Variants in ASB17 observed in about 807,000 individuals in gnomAD.
ASB17 encodes the protein ankyrin repeat and SOCS box protein 17.
In ASB17, 26 loss-of-function variants were observed where a neutral mutation model predicts 25.7. The ratio of observed to expected loss-of-function variants is 1.01; its 90% CI spans 0.74 to 1.40. The LOEUF (loss-of-function observed/expected upper bound fraction) is 1.40, where lower values mean the gene tolerates loss of function less well. ASB17 is among the 40% of genes most tolerant of loss of function. The pLI, the probability that ASB17 is intolerant of heterozygous loss-of-function variation, is 0.00. For synonymous variants in ASB17, 128 were observed against 121.4 expected, an observed-to-expected ratio of 1.05 and a Z score of -0.36; for missense variants, 326 against 338.5, an observed-to-expected ratio of 0.96 and a Z score of 0.29.
chr1:75,921,872 A>T (rs1321092422), intron 2 of ASB17, among the ~76,000 whole-genome samples: 1 of 152,060 alleles, frequency 6.6e-6, no homozygotes, highest in East Asian at 1.9e-4. Flanking sequence ...CTATACATAT[A>T]ACTTAAAATT....
intron 1 of ASB17, among the ~76,000 whole-genome samples, chr1:75,929,345 C>G (rs1653261738): frequency 4.0e-5 from 6 of 151,698 alleles, no homozygotes; most frequent in Admixed American, 3.9e-4. Flanking sequence ...CTGCCTCAGC[C>G]TCCCGAGTAG....
At position 75,932,397 on chromosome 1, in the gene ASB17, T is replaced by C. The variant is rs1653348049; in HGVS notation, c.-106A>G. The C allele has an allele frequency of 9.5e-7, 1 of 1,054,552 alleles. No individual in the cohort carries two copies. The highest frequency in any genetic ancestry group is 1.4e-6 in the Non-Finnish European group (1 of 734,706). 65.3% of individuals were successfully genotyped at this position (1,054,552 alleles called of 1,614,324 possible). On this transcript the variant is annotated 5_prime_UTR_variant, in exon 1 of 3. Coordinates refer to ENST00000284142, the MANE Select transcript of ASB17 (RefSeq NM_080868.3). The stretch of plus-strand genomic sequence containing the variant: ...GCAGGCTTTACTCCACAAACAGAAG[T>C]GCCCTTTAAACTGTAACCAGAAAAA...
intron 1 of ASB17, among the ~76,000 whole-genome samples, chr1:75,929,652 G>C (rs983652129): frequency 2.0e-5 from 3 of 152,148 alleles, no homozygotes; most frequent in Non-Finnish European, 4.4e-5. Flanking sequence ...GGTCACTCAG[G>C]CTTCTGAGTC....
intron 1 of ASB17, among the ~76,000 whole-genome samples, chr1:75,927,718 C>G (rs1359203959): frequency 6.6e-6 from 1 of 151,918 alleles, no homozygotes; most frequent in Non-Finnish European, 1.5e-5. Context: ...ACTTGGAGTG[C>G]TTGAGTAGTC....
At chr1:75,922,488 C>CT (rs3037164) in intron 1 of ASB17, 129 bp from the exon 2 acceptor site, 38,086 of 120,090 alleles carry the variant, frequency 0.32, 8,666 homozygotes, top group East Asian at 0.47. Context: ...TTATATGTTT[C>CT]TTTTTTTTTT....
chr1:75,920,382 A>G (rs1398178028), intron 2 of ASB17, among the ~76,000 whole-genome samples: 1 of 152,252 alleles, frequency 6.6e-6, no homozygotes. Context: ...TATTACTTGT[A>G]TAATGCATTC....
At chr1:75,921,970 G>T in intron 2 of ASB17, 110 bp downstream of exon 2, 3 of 942,068 alleles carry the variant, frequency 3.2e-6, no homozygotes, top group Non-Finnish European at 4.6e-6. Context: ...TCAATGATCT[G>T]TCACTGGACA....
rs748346833 is a variant in ASB17 at position 75,918,990 on chromosome 1, G to T, written c.850C>A (p.Pro284Thr). The T allele has an allele frequency of 6.2e-7, 1 of 1,612,792 alleles. No homozygotes were observed. Among genetic ancestry groups the T allele is most frequent in the African/African-American group, 1.3e-5 (1 of 74,892 alleles). ...LPDGIFSLLI[P>T]ARLQNYLNLE... ...TTCAGATAGTTTTGTAGACGAGCAGGAATTAGAAGTGAAAATATTCCATCT... is the reference window on the plus strand; with the variant it reads ...TTCAGATAGTTTTGTAGACGAGCAGTAATTAGAAGTGAAAATATTCCATCT... The change falls in exon 3 of 3, where the codon CCT becomes ACT. Residue 284 changes from proline (P) to threonine (T), a missense_variant. By Grantham distance (38) the Pro-to-Thr change is conservative (BLOSUM62 -1). Transcript: ENST00000284142.
chr1:75,931,938 T>C lies in ASB17; in HGVS notation c.354A>G (p.Thr118=). 1 of 1,613,278 alleles carries C rather than the reference T, an allele frequency of 6.2e-7. No individual in the cohort carries two copies. Among genetic ancestry groups the C allele is most frequent in the Non-Finnish European group, 8.5e-7 (1 of 1,179,638 alleles). The change falls in exon 1 of 3, where the codon ACA becomes ACG. Residue 118 remains threonine (T), a synonymous_variant. Coordinates refer to ENST00000284142, the MANE Select transcript of ASB17 (RefSeq NM_080868.3). ...AACTTCTGTCTTGAACATAGTCTTT[T>C]GTCTTCTTGAGAAGCAATTCCACAA... ...PDFVELLLKK[T]KDYVQDRSCN...
Position 75,932,329 on chromosome 1 carries a change from G to C in ASB17, c.-38C>G. 1.3e-6 allele frequency: 2 copies of C among 1,525,638 alleles called. No individual in the cohort carries two copies. The highest frequency in any genetic ancestry group is 1.3e-5 in the South Asian group (1 of 78,020). 94.5% of individuals were successfully genotyped at this position (1,525,638 alleles called of 1,614,324 possible). Reference sequence around the variant, plus strand: ...CAGCACTGTAGAAATAAAATCAGAGGTAAGCATACTGTAATCCTCCAGTTA... The same window carrying C: ...CAGCACTGTAGAAATAAAATCAGAGCTAAGCATACTGTAATCCTCCAGTTA... On this transcript the variant is annotated 5_prime_UTR_variant, in exon 1 of 3. Coordinates refer to ENST00000284142, the MANE Select transcript of ASB17 (RefSeq NM_080868.3).
At chr1:75,925,640 G>A (rs924624882) in intron 1 of ASB17, among the ~76,000 whole-genome samples, 3 of 152,118 alleles carry the variant, frequency 2.0e-5, no homozygotes, top group Non-Finnish European at 2.9e-5. Context: ...AGCAAAGCAA[G>A]AATTAGTTTT....
Position 75,931,956 on chromosome 1 carries a change from T to C in ASB17, c.336A>G (p.Glu112=), listed in dbSNP as rs773571008. The C allele has an allele frequency of 1.2e-6, 2 of 1,613,878 alleles. No individual in the cohort carries two copies. Among genetic ancestry groups the C allele is most frequent in the Admixed American group, 1.7e-5 (1 of 59,992 alleles). Residue 112 remains glutamate (E), a synonymous_variant, in exon 1 of 3, where the codon GAA becomes GAG. Transcript: ENST00000284142. ...FARKGNPDFV[E]LLLKKTKDYV... The stretch of plus-strand genomic sequence containing the variant: ...AGTCTTTTGTCTTCTTGAGAAGCAA[T>C]TCCACAAAGTCAGGATTACCTTTTC...
Position 75,932,313 on chromosome 1 carries a change from A to T in ASB17, c.-22T>A, listed in dbSNP as rs1032910195. 1 of 1,563,858 alleles carries T rather than the reference A, an allele frequency of 6.4e-7. No homozygotes were observed. The highest frequency in any genetic ancestry group is 8.7e-7 in the Non-Finnish European group (1 of 1,155,008). Reference sequence around the variant, plus strand: ...TCATTGTTACTTATAGCAGCACTGTAGAAATAAAATCAGAGGTAAGCATAC... The same window carrying T: ...TCATTGTTACTTATAGCAGCACTGTTGAAATAAAATCAGAGGTAAGCATAC... On this transcript the variant is annotated 5_prime_UTR_variant, in exon 1 of 3. Coordinates refer to ENST00000284142, the MANE Select transcript of ASB17 (RefSeq NM_080868.3).
chr1:75,922,486 TTC>T, intron 1 of ASB17, 127 bp from the exon 2 acceptor site: 21 of 400,614 alleles, frequency 5.2e-5, no homozygotes, highest in South Asian at 6.6e-5. Flanking sequence ...CTTTATATGT[TTC>T]TTTTTTTTTT....
At chr1:75,928,789 T>C (rs909763150) in intron 1 of ASB17, among the ~76,000 whole-genome samples, 3 of 152,212 alleles carry the variant, frequency 2.0e-5, no homozygotes, top group African/African-American at 4.8e-5. Context: ...AAAATCTTGA[T>C]TGAGCAGTTG....
Position 75,922,196 on chromosome 1 carries a change from G to C in ASB17, c.565C>G (p.Pro189Ala). 6.2e-7 allele frequency: 1 copy of C among 1,613,626 alleles called. No homozygotes were observed. The highest frequency in any genetic ancestry group is 8.5e-7 in the Non-Finnish European group (1 of 1,179,732). ...INIVLTIVLY[P>A]SRVRVMVDRE... ...TCAACCATTACTCTTACTCTCGAAG[G>C]GTAGAGTACTATTGTTAAGACAATG... Residue 189 changes from proline to alanine, a missense_variant, in exon 2 of 3, where the codon CCT becomes GCT. Transcript: ENST00000284142.
chr1:75,922,004 T>G (rs1571013179), intron 2 of ASB17, 76 bp downstream of exon 2: 1 of 1,254,538 alleles, frequency 8.0e-7, no homozygotes, highest in East Asian at 2.5e-5. Flanking sequence ...AAAAATTAAC[T>G]GTATTCTTTC....
In ASB17 at chr1:75,918,924, G is replaced by C; in HGVS notation, c.*28C>G. 3 of 1,562,958 alleles carry C rather than the reference G, an allele frequency of 1.9e-6. No individual in the cohort carries two copies. ...TCTAAGCCATACATTGGTAAGCATTGTTAAGGAACTTAGGACACTGACGTA... is the reference window on the plus strand; with the variant it reads ...TCTAAGCCATACATTGGTAAGCATTCTTAAGGAACTTAGGACACTGACGTA... On this transcript the variant is annotated 3_prime_UTR_variant, in exon 3 of 3. Transcript: ENST00000284142.
Position 75,922,302 on chromosome 1 carries a change from A to G in ASB17, c.459T>C (p.Tyr153=). The part of the protein sequence containing the change: ...SPLSGITPLF[Y]VAQTRQSNIF... ...TATTAGACTGTCTTGTCTGAGCTACATAAAAGAGAGGTGTGATGCCACTTA... is the reference window on the plus strand; with the variant it reads ...TATTAGACTGTCTTGTCTGAGCTACGTAAAAGAGAGGTGTGATGCCACTTA... Residue 153 remains tyrosine, a synonymous_variant, in exon 2 of 3, where the codon TAT becomes TAC. Coordinates refer to ENST00000284142, the MANE Select transcript of ASB17 (RefSeq NM_080868.3). 1.2e-6 allele frequency: 2 copies of G among 1,613,622 alleles called. No homozygotes were observed. Among genetic ancestry groups the G allele is most frequent in the Non-Finnish European group, 1.7e-6 (2 of 1,179,824 alleles).
Sources: gnomAD v4.1 joint callset for allele counts (sites outside exome capture counted in the v4.1 genomes callset) on GRCh38, gnomAD v4.1.1 for gene constraint, MANE v1.5 for transcripts, NCBI Gene and HGNC (gene_info 2026-07-23, HGNC 2026-07-21) for gene names.